The following BRINP2 variants were observed in gnomAD, a reference collection of about 807,000 sequenced individuals.
BRINP2 encodes BMP/retinoic acid-inducible neural-specific protein 2.
BRINP2 carries 21 observed loss-of-function variants against 69.2 expected under a neutral mutation model. The ratio of observed to expected loss-of-function variants is 0.30; its 90% CI spans 0.22 to 0.44. The LOEUF (loss-of-function observed/expected upper bound fraction) is 0.44, where lower values mean the gene tolerates loss of function less well. Ranked by LOEUF, BRINP2 falls within the 20% of genes least tolerant of loss-of-function variation. The pLI is 1.00. For synonymous variants in BRINP2, 380 were observed against 394.1 expected (o/e 0.96, Z 0.42); for missense variants, 877 against 986.0 (o/e 0.89, Z 1.48).
intron 1 of BRINP2, among the ~76,000 whole-genome samples, chr1:177,212,106 T>C (rs987253845): frequency 1.3e-5 from 2 of 150,648 alleles, no homozygotes; most frequent in African/African-American, 4.9e-5. Flanking sequence ...GATAGATAGA[T>C]AGATGATAGA....
chr1:177,264,119 G>A (rs1275908394), intron 4 of BRINP2, among the ~76,000 whole-genome samples: 1 of 152,100 alleles, frequency 6.6e-6, no homozygotes, highest in Admixed American at 6.5e-5. Context: ...CAAAGTTGGA[G>A]AAAAATGGAT....
In BRINP2 at chr1:177,197,129, T is replaced by A. The variant is rs1221207594; in HGVS notation, c.-77+25397T>A. Among the ~76,000 whole-genome samples the A allele has an allele frequency of 1.1e-4, 16 of 152,020 alleles. No individual in the cohort carries two copies. In the Admixed American group the frequency reaches 1.1e-3, roughly 10 times the overall value. The stretch of plus-strand genomic sequence containing the variant: ...ATAAAGAAAAGAAGTTTAAAAAAAA[T>A]TGGCTCACAGTTTTGCAGGCTGGAT... On this transcript the variant is annotated intron_variant, in intron 1 of 7. Coordinates refer to ENST00000361539, the MANE Select transcript of BRINP2 (RefSeq NM_021165.4).
chr1:177,189,821 C>A (rs1394493196), intron 1 of BRINP2, among the ~76,000 whole-genome samples: 3 of 152,108 alleles, frequency 2.0e-5, no homozygotes, highest in South Asian at 2.1e-4. Flanking sequence ...CCTAAGGCAA[C>A]CTTATGAATA....
At chr1:177,238,888 T>A (rs1650114559) in intron 2 of BRINP2, among the ~76,000 whole-genome samples, 1 of 152,228 alleles carries the variant, frequency 6.6e-6, no homozygotes. Flanking sequence ...TTAACATTAA[T>A]TAAAATTATC....
At chr1:177,240,157 T>C (rs1377377982) in intron 2 of BRINP2, among the ~76,000 whole-genome samples, 2 of 152,208 alleles carry the variant, frequency 1.3e-5, no homozygotes, top group African/African-American at 2.4e-5. Context: ...TCTGCCTCAC[T>C]TGGGGACACA....
chr1:177,236,232 G>A (rs1474939259), intron 2 of BRINP2, among the ~76,000 whole-genome samples: 3 of 152,146 alleles, frequency 2.0e-5, no homozygotes, highest in Non-Finnish European at 4.4e-5. Context: ...GGCATCTTAG[G>A]CCTTCCGCCC....
chr1:177,254,578 G>A (rs1047475474), intron 2 of BRINP2, among the ~76,000 whole-genome samples: 1 of 151,922 alleles, frequency 6.6e-6, no homozygotes, highest in Non-Finnish European at 1.5e-5. Flanking sequence ...AAATACTTTT[G>A]TGGTTGAGTT....
At chr1:177,206,242 A>G (rs988404982) in intron 1 of BRINP2, among the ~76,000 whole-genome samples, 4 of 152,220 alleles carry the variant, frequency 2.6e-5, no homozygotes, top group Non-Finnish European at 5.9e-5. Context: ...CTACAACCTC[A>G]TAAGAGACCC....
intron 1 of BRINP2, among the ~76,000 whole-genome samples, chr1:177,183,862 A>G (rs1388487851): frequency 6.6e-6 from 1 of 152,206 alleles, no homozygotes; most frequent in Non-Finnish European, 1.5e-5. Context: ...ATCACACTGA[A>G]AAGGGAATCC....
intron 1 of BRINP2, among the ~76,000 whole-genome samples, chr1:177,201,378 A>G (rs1271208173): frequency 1.3e-5 from 2 of 152,106 alleles, no homozygotes; most frequent in African/African-American, 4.8e-5. Context: ...ATAAAGGACT[A>G]TTTCTTTAAT....
intron 1 of BRINP2, among the ~76,000 whole-genome samples, chr1:177,216,591 G>A (rs1229815235): frequency 6.6e-6 from 1 of 151,984 alleles, no homozygotes; most frequent in Non-Finnish European, 1.5e-5. Context: ...ATTAGGTTTT[G>A]TACTTTCATA....
At chr1:177,219,022 T>A (rs1188632248) in intron 1 of BRINP2, among the ~76,000 whole-genome samples, 3 of 152,138 alleles carry the variant, frequency 2.0e-5, no homozygotes, top group African/African-American at 7.2e-5. Flanking sequence ...TAAAAATCAA[T>A]CTAAAGGAAG....
intron 1 of BRINP2, among the ~76,000 whole-genome samples, chr1:177,183,137 C>CTTTTTTTTTT (rs71129597): frequency 1.7e-3 from 92 of 54,302 alleles, no homozygotes; most frequent in African/African-American, 2.2e-3. Flanking sequence ...AGTGTGTGAG[C>CTTTTTTTTTT]TTTTTTTTTT....
chr1:177,183,808 T>G (rs1263862254), intron 1 of BRINP2, among the ~76,000 whole-genome samples: 1 of 152,182 alleles, frequency 6.6e-6, no homozygotes, highest in East Asian at 1.9e-4. Flanking sequence ...TCAAATACTG[T>G]TTATAATGTG....
chr1:177,261,472 A>G (rs1416575921), intron 4 of BRINP2, among the ~76,000 whole-genome samples: 1 of 152,252 alleles, frequency 6.6e-6, no homozygotes, highest in Non-Finnish European at 1.5e-5. Context: ...GAGCAATCAA[A>G]TGAACAGTGA....
chr1:177,281,449 G>C lies in BRINP2; in HGVS notation c.2273G>C (p.Arg758Thr). The C allele has an allele frequency of 1.9e-6, 3 of 1,613,920 alleles. No individual in the cohort carries two copies. Among genetic ancestry groups the C allele is most frequent in the South Asian group, 2.2e-5 (2 of 91,086 alleles). Residue 758 changes from arginine (R) to threonine (T), a missense_variant, in exon 8 of 8, where the codon AGG becomes ACG. Coordinates refer to ENST00000361539, the MANE Select transcript of BRINP2 (RefSeq NM_021165.4). ...RLKLANNEVG[R>T]IQSSLRAFNS... is the part of the protein sequence containing the mutation. Reference sequence around the variant, plus strand: ...AAGCTGGCCAACAATGAGGTGGGCAGGATCCAGTCCTCCCTGAGGGCTTTC... The same window carrying C: ...AAGCTGGCCAACAATGAGGTGGGCACGATCCAGTCCTCCCTGAGGGCTTTC...
chr1:177,269,515 C>T (rs182820768), intron 4 of BRINP2, among the ~76,000 whole-genome samples: 322 of 152,244 alleles, frequency 2.1e-3, no homozygotes, highest in African/African-American at 7.2e-3. Context: ...TTCAGGTGGA[C>T]CCCAGGATGG....
chr1:177,238,472 G>A (rs1286317274), intron 2 of BRINP2, among the ~76,000 whole-genome samples: 1 of 152,216 alleles, frequency 6.6e-6, no homozygotes. Context: ...GGATTGTGGG[G>A]ATGGGACAAG....
At chr1:177,190,456 C>T (rs1315121374) in intron 1 of BRINP2, among the ~76,000 whole-genome samples, 1 of 152,188 alleles carries the variant, frequency 6.6e-6, no homozygotes, top group South Asian at 2.1e-4. Context: ...CAATCTCTTT[C>T]TCTTGTTCTT....
Sources: allele counts gnomAD v4.1 joint callset (sites outside exome capture counted in the v4.1 genomes callset), GRCh38; gene constraint gnomAD v4.1.1; transcripts MANE v1.5; gene names NCBI Gene and HGNC (gene_info 2026-07-23, HGNC 2026-07-21).